NDUFB6: variants seen among roughly 807,000 people sequenced by gnomAD.
NDUFB6 encodes NADH dehydrogenase [ubiquinone] 1 beta subcomplex subunit 6.
NDUFB6 carries 23 observed loss-of-function variants against 17.5 expected under a neutral mutation model. The observed-to-expected ratio is 1.31, with a 90% confidence interval of 0.94 to 1.86. The LOEUF (loss-of-function observed/expected upper bound fraction) is 1.86. Among genes scored for constraint, NDUFB6 ranks in the 40% most tolerant of loss-of-function variants. The pLI is 0.00. For missense variants in NDUFB6, 167 were observed against 153.8 expected (o/e 1.09, Z -0.46); for synonymous variants, 60 against 53.5 (o/e 1.12, Z -0.53).
intron 1 of NDUFB6, among the ~76,000 whole-genome samples, chr9:32,571,323 T>G (rs1821935773): frequency 6.6e-6 from 1 of 152,130 alleles, no homozygotes; most frequent in Non-Finnish European, 1.5e-5. Context: ...TTTAAAGACT[T>G]CCAAAAATAT....
intron 2 of NDUFB6, chr9:32,566,214 G>C (rs1234740750): frequency 1.2e-5 from 10 of 828,944 alleles, no homozygotes; most frequent in Non-Finnish European, 6.3e-6. Context: ...TTCTGTTCAG[G>C]TCATAGCTGG....
At position 32,566,472 on chromosome 9, in the gene NDUFB6, G is replaced by A. The variant is rs969882155; in HGVS notation, c.273+4488C>T. 33 of 800,128 alleles carry A rather than the reference G, an allele frequency of 4.1e-5. No homozygotes were observed. In the Middle Eastern group the frequency reaches 1.1e-3, roughly 27 times the overall value. 49.6% of individuals were successfully genotyped at this position (800,128 alleles called of 1,614,324 possible). On this transcript the variant is annotated intron_variant, in intron 2 of 3. Coordinates refer to ENST00000379847, the MANE Select transcript of NDUFB6 (RefSeq NM_002493.5). ...ATCTTGACAAGCAGCCGTCCATGTC[G>A]AAGGGACCCTGGCAGGAGAACTAGC...
At chr9:32,554,944 T>C (rs1165182864) in intron 3 of NDUFB6, among the ~76,000 whole-genome samples, 3 of 152,166 alleles carry the variant, frequency 2.0e-5, no homozygotes, top group African/African-American at 2.4e-5. Flanking sequence ...AGTTATAGTA[T>C]GTGTTTGGAT....
At chr9:32,569,451 C>T (rs1443318125) in intron 2 of NDUFB6, among the ~76,000 whole-genome samples, 1 of 152,082 alleles carries the variant, frequency 6.6e-6, no homozygotes, top group South Asian at 2.1e-4. Flanking sequence ...ATCTCTTGAC[C>T]TCGTGATCCA....
intron 2 of NDUFB6, chr9:32,568,336 C>T (rs1363103428): frequency 9.6e-6 from 2 of 208,396 alleles, no homozygotes; most frequent in Non-Finnish European, 2.1e-5. Flanking sequence ...GAAGTGCCTC[C>T]ATCACATGAT....
chr9:32,567,454 C>T, intron 2 of NDUFB6: 1 of 447,884 alleles, frequency 2.2e-6, no homozygotes, highest in Non-Finnish European at 4.5e-6. Context: ...TCAGCCTCCC[C>T]AGTAGCTGGG....
At chr9:32,566,352 G>A (rs546525020) in intron 2 of NDUFB6, 113 of 1,178,800 alleles carry the variant, frequency 9.6e-5, no homozygotes, top group Admixed American at 3.9e-4. Flanking sequence ...CACCAGTGTA[G>A]GAATGATGGT....
intron 2 of NDUFB6, among the ~76,000 whole-genome samples, chr9:32,561,416 C>T (rs186444578): frequency 6.5e-4 from 99 of 152,218 alleles, no homozygotes; most frequent in African/African-American, 2.4e-3. Context: ...CAACTTCTGC[C>T]TCCTGGTTTC....
At chr9:32,563,487 TGGGC>T (rs1329175370) in intron 2 of NDUFB6, among the ~76,000 whole-genome samples, 2 of 140,472 alleles carry the variant, frequency 1.4e-5, no homozygotes, top group African/African-American at 5.5e-5. Flanking sequence ...GTGGGACTAT[TGGGC>T]TTTTTTTTTT....
chr9:32,568,742 A>ATTT (rs1337982976), intron 2 of NDUFB6: 15 of 119,598 alleles, frequency 1.3e-4, no homozygotes, highest in African/African-American at 4.4e-4. Context: ...ATATATATAT[A>ATTT]TATATATTTT....
rs146635689 is a variant in NDUFB6 at position 32,553,592 on chromosome 9, C to T, written c.*284G>A. On this transcript the variant is annotated 3_prime_UTR_variant, in exon 4 of 4. Transcript: ENST00000379847. The stretch of plus-strand genomic sequence containing the variant: ...CCCTGATACCAAATTAGTGTAAGTA[C>T]TGTGTAAGAAAAAAACAAACAAACA... 1.0e-3 allele frequency: 362 copies of T among 360,784 alleles called. 7 individuals are homozygous for T. In the East Asian group the frequency reaches 0.021, roughly 21 times the overall value. 22.3% of individuals were successfully genotyped at this position (360,784 alleles called of 1,614,324 possible). A position where few individuals can be genotyped will look rare whatever the true frequency, so the allele number is the denominator to read the frequency against.
chr9:32,570,921 G>A (rs574789301), intron 2 of NDUFB6, 39 bp downstream of exon 2: 3 of 1,389,442 alleles, frequency 2.2e-6, no homozygotes, highest in Admixed American at 2.0e-5. Flanking sequence ...AGTAATTTTG[G>A]ACAATATTAA....
intron 2 of NDUFB6, chr9:32,566,191 TGG>T: frequency 2.7e-6 from 2 of 754,274 alleles, no homozygotes; most frequent in South Asian, 3.0e-5. Context: ...CAACCTTGTC[TGG>T]GGTTTGTAGA....
At chr9:32,562,791 T>C (rs1030964524) in intron 2 of NDUFB6, among the ~76,000 whole-genome samples, 4 of 152,212 alleles carry the variant, frequency 2.6e-5, no homozygotes, top group Admixed American at 1.3e-4. Context: ...GTCTCAATAA[T>C]TGTTTGGACT....
intron 2 of NDUFB6, among the ~76,000 whole-genome samples, chr9:32,563,449 G>A (rs1016821305): frequency 3.4e-5 from 5 of 147,216 alleles, no homozygotes; most frequent in Non-Finnish European, 7.4e-5. Flanking sequence ...GGGCTCAAGC[G>A]ATCCTCCTGC....
chr9:32,567,378 C>G (rs1314556809), intron 2 of NDUFB6: 2 of 466,762 alleles, frequency 4.3e-6, no homozygotes, highest in East Asian at 1.4e-4. Flanking sequence ...GCTCTGTCAC[C>G]CAGGCAGTGG....
In NDUFB6 at chr9:32,553,935, T is replaced by C. The variant is rs748471099; in HGVS notation, c.328A>G (p.Ile110Val). Residue 110 changes from isoleucine to valine, a missense_variant, in exon 4 of 4, where the codon ATT becomes GTT. Physicochemically the swap from Ile to Val is conservative, Grantham distance 29 (BLOSUM62 3). Coordinates refer to ENST00000379847, the MANE Select transcript of NDUFB6 (RefSeq NM_002493.5). ...GGAATTACTTCTCCAGTCTCCAGAA[T>C]TGTATCACCCTAGGAAAACAAAGAT... is the stretch of plus-strand genomic sequence containing the variant. ...KKSRIFPGDTILETGEVIPPM... is the reference protein window; with the variant it reads ...KKSRIFPGDTVLETGEVIPPM... The C allele has an allele frequency of 6.3e-6, 10 of 1,591,440 alleles. No homozygotes were observed. The highest frequency in any genetic ancestry group is 5.4e-5 in the African/African-American group (4 of 74,292).
At chr9:32,566,476 G>A (rs1821793209) in intron 2 of NDUFB6, 3 of 798,060 alleles carry the variant, frequency 3.8e-6, no homozygotes, top group South Asian at 2.7e-5. Flanking sequence ...CATGTCGAAG[G>A]GACCCTGGCA....
chr9:32,558,442 G>C (rs902709008), intron 3 of NDUFB6, among the ~76,000 whole-genome samples: 1 of 152,172 alleles, frequency 6.6e-6, no homozygotes, highest in African/African-American at 2.4e-5. Context: ...CCCATTAGTG[G>C]ATATTAAATT....
Sources: gnomAD v4.1 joint callset for allele counts (sites outside exome capture counted in the v4.1 genomes callset) on GRCh38, gnomAD v4.1.1 for gene constraint, MANE v1.5 for transcripts, NCBI Gene and HGNC (gene_info 2026-07-23, HGNC 2026-07-21) for gene names.